Variants in NELL1 observed in about 807,000 individuals in gnomAD.
NELL1 encodes protein kinase C-binding protein NELL1.
A neutral mutation model predicts 107.4 loss-of-function variants in NELL1; 76 were observed. The ratio of observed to expected loss-of-function variants is 0.71; its 90% confidence interval spans 0.59 to 0.86. The LOEUF is 0.86. Among genes scored for constraint, NELL1 ranks in the 40% least tolerant of loss-of-function variants. The probability of loss-of-function intolerance (pLI) is 0.00; values close to 1 mark genes in which losing one functional copy is unlikely to be tolerated. For missense variants in NELL1, 1,024 were observed against 1,005.5 expected (o/e 1.02, Z -0.25); for synonymous variants, 353 against 341.2 (o/e 1.03, Z -0.38).
intron 12 of NELL1, among the ~76,000 whole-genome samples, chr11:21,081,271 G>A (rs1854262631): frequency 6.6e-6 from 1 of 152,132 alleles, no homozygotes. Context: ...ACATTCTATT[G>A]TTTCCCTTGC....
chr11:20,731,111 A>G (rs7104232), intron 2 of NELL1, among the ~76,000 whole-genome samples: 18,247 of 152,110 alleles, frequency 0.12, 1,206 homozygotes, highest in Non-Finnish European at 0.15. Flanking sequence ...TGCAGCTCCA[A>G]AAGGGGCATT....
intron 2 of NELL1, among the ~76,000 whole-genome samples, chr11:20,711,400 G>T (rs1379321501): frequency 6.6e-6 from 1 of 152,014 alleles, no homozygotes; most frequent in Non-Finnish European, 1.5e-5. Context: ...TGAGATGTGA[G>T]GTACTGTTCT....
chr11:21,399,508 T>A (rs1410128465), intron 15 of NELL1, among the ~76,000 whole-genome samples: 1 of 151,840 alleles, frequency 6.6e-6, no homozygotes, highest in African/African-American at 2.4e-5. Context: ...TAGGGAATCA[T>A]TGCTAAATAA....
intron 15 of NELL1, among the ~76,000 whole-genome samples, chr11:21,391,554 T>G (rs985649645): frequency 2.6e-5 from 4 of 151,820 alleles, no homozygotes; most frequent in African/African-American, 9.7e-5. Flanking sequence ...TATTATTTTT[T>G]TCTTTTTGTG....
At chr11:21,342,250 C>T (rs1479667247) in intron 14 of NELL1, among the ~76,000 whole-genome samples, 1 of 152,190 alleles carries the variant, frequency 6.6e-6, no homozygotes, top group Non-Finnish European at 1.5e-5. Context: ...ATGTCCCAGG[C>T]TCCCTACTAA....
intron 14 of NELL1, among the ~76,000 whole-genome samples, chr11:21,245,203 C>T (rs1858459611): frequency 6.6e-6 from 1 of 152,122 alleles, no homozygotes; most frequent in Non-Finnish European, 1.5e-5. Context: ...TAAAACTACT[C>T]ATAGTTTTCC....
intron 14 of NELL1, among the ~76,000 whole-genome samples, chr11:21,274,859 A>C (rs778464307): frequency 1.3e-5 from 2 of 152,222 alleles, no homozygotes; most frequent in Non-Finnish European, 2.9e-5. Context: ...AGTGAGAACA[A>C]AGACACAACA....
At chr11:21,432,856 G>A (rs1430811305) in intron 15 of NELL1, among the ~76,000 whole-genome samples, 1 of 152,112 alleles carries the variant, frequency 6.6e-6, no homozygotes, top group Non-Finnish European at 1.5e-5. Flanking sequence ...AATCATTTGT[G>A]TTGTGAACAT....
At chr11:21,290,936 C>T (rs1849243690) in intron 14 of NELL1, among the ~76,000 whole-genome samples, 2 of 152,156 alleles carry the variant, frequency 1.3e-5, no homozygotes, top group African/African-American at 4.8e-5. Context: ...GCCTCTTCTC[C>T]CCCAAAGCAT....
intron 13 of NELL1, among the ~76,000 whole-genome samples, chr11:21,201,450 T>A (rs1342510995): frequency 6.6e-6 from 1 of 152,208 alleles, no homozygotes; most frequent in Non-Finnish European, 1.5e-5. Flanking sequence ...CGTATAGTAA[T>A]GCTTGTGATT....
intron 13 of NELL1, among the ~76,000 whole-genome samples, chr11:21,158,566 C>T (rs1330645126): frequency 6.6e-6 from 1 of 152,174 alleles, no homozygotes; most frequent in Non-Finnish European, 1.5e-5. Flanking sequence ...CATTCTATAT[C>T]TTTACCCTTT....
At chr11:20,950,553 C>G (rs1851049367) in intron 11 of NELL1, among the ~76,000 whole-genome samples, 1 of 152,164 alleles carries the variant, frequency 6.6e-6, no homozygotes, top group African/African-American at 2.4e-5. Flanking sequence ...ACTATTCTGA[C>G]AAGACCTGAA....
chr11:20,825,350 C>T (rs1424562497), intron 3 of NELL1, among the ~76,000 whole-genome samples: 6 of 151,134 alleles, frequency 4.0e-5, no homozygotes, highest in South Asian at 4.2e-4. Context: ...GTAGATCTAC[C>T]GACATCTTGT....
At chr11:21,420,451 G>T (rs1188395589) in intron 15 of NELL1, among the ~76,000 whole-genome samples, 2 of 152,060 alleles carry the variant, frequency 1.3e-5, no homozygotes, top group Non-Finnish European at 2.9e-5. Context: ...AATGGAAAAT[G>T]CAAAACATGT....
chr11:21,429,037 G>A (rs1364027124), intron 15 of NELL1, among the ~76,000 whole-genome samples: 1 of 152,124 alleles, frequency 6.6e-6, no homozygotes, highest in Non-Finnish European at 1.5e-5. Flanking sequence ...CAACACTTGA[G>A]GCTTTAAATA....
intron 14 of NELL1, among the ~76,000 whole-genome samples, chr11:21,323,856 G>A (rs1850067657): frequency 1.3e-5 from 2 of 151,990 alleles, no homozygotes; most frequent in Non-Finnish European, 2.9e-5. Flanking sequence ...AAGGCATAAC[G>A]CTCCCTCACA....
At chr11:21,351,672 T>C (rs978510065) in intron 14 of NELL1, among the ~76,000 whole-genome samples, 6 of 152,172 alleles carry the variant, frequency 3.9e-5, no homozygotes, top group African/African-American at 1.4e-4. Context: ...ACATAGATTA[T>C]TGTCTTCTCT....
intron 15 of NELL1, among the ~76,000 whole-genome samples, chr11:21,454,018 G>A (rs1487058491): frequency 2.0e-5 from 3 of 147,262 alleles, no homozygotes; most frequent in Admixed American, 6.8e-5. Flanking sequence ...ATGCTGGTGC[G>A]CTGCACCCAC....
At chr11:21,422,304 T>G (rs981541537) in intron 15 of NELL1, among the ~76,000 whole-genome samples, 3 of 152,168 alleles carry the variant, frequency 2.0e-5, no homozygotes, top group Non-Finnish European at 2.9e-5. Flanking sequence ...TCAATAAAGG[T>G]AAATATATGG....
Sources: gnomAD v4.1 joint callset for allele counts (sites outside exome capture counted in the v4.1 genomes callset) on GRCh38, gnomAD v4.1.1 for gene constraint, MANE v1.5 for transcripts, NCBI Gene and HGNC (gene_info 2026-07-23, HGNC 2026-07-21) for gene names.